The following DLGAP2 variants were observed in gnomAD, a reference collection of about 807,000 sequenced individuals.
The protein encoded by DLGAP2 is disks large-associated protein 2.
In DLGAP2, 26 loss-of-function variants were observed where a neutral mutation model predicts 100.3. The ratio of observed to expected loss-of-function variants is 0.26; its 90% CI spans 0.19 to 0.36. The LOEUF is 0.36. Among genes scored for constraint, DLGAP2 ranks in the 10% least tolerant of loss-of-function variants. DLGAP2 has a pLI of 1.00. For missense variants in DLGAP2, 1,858 were observed against 1,453.2 expected, an observed-to-expected ratio of 1.28 and a Z score of -4.53; for synonymous variants, 886 against 630.1, an observed-to-expected ratio of 1.41 and a Z score of -6.08.
chr8:1,025,253 C>T (rs1048904156), intron 2 of DLGAP2, among the ~76,000 whole-genome samples: 5 of 152,078 alleles, frequency 3.3e-5, no homozygotes, highest in Admixed American at 6.5e-5. Context: ...AACACGGTGC[C>T]GCCCTCTTTC....
intron 3 of DLGAP2, among the ~76,000 whole-genome samples, chr8:1,304,347 G>A (rs967781823): frequency 3.9e-5 from 6 of 152,212 alleles, no homozygotes; most frequent in Admixed American, 2.0e-4. Flanking sequence ...GTCTCACTCC[G>A]GAAGCCTTTG....
intron 3 of DLGAP2, among the ~76,000 whole-genome samples, chr8:1,498,555 A>G (rs567106593): frequency 6.6e-6 from 1 of 152,298 alleles, no homozygotes; most frequent in African/African-American, 2.4e-5. Flanking sequence ...TTGGATGGGA[A>G]TTTGGGCAAG....
intron 3 of DLGAP2, among the ~76,000 whole-genome samples, chr8:1,276,841 C>G (rs76786040): frequency 8.5e-5 from 13 of 152,136 alleles, no homozygotes; most frequent in South Asian, 2.1e-4. Context: ...AAGACGTTAT[C>G]ATTTTCTCAC....
At chr8:1,206,782 A>G (rs1798005045) in intron 2 of DLGAP2, among the ~76,000 whole-genome samples, 1 of 152,146 alleles carries the variant, frequency 6.6e-6, no homozygotes, top group Non-Finnish European at 1.5e-5. Flanking sequence ...CATCGCTGCT[A>G]CCATTCTTTG....
chr8:1,632,527 A>G (rs1167966897), intron 7 of DLGAP2, among the ~76,000 whole-genome samples: 1 of 152,180 alleles, frequency 6.6e-6, no homozygotes, highest in African/African-American at 2.4e-5. Context: ...TAATCTTTTA[A>G]AAGTTCTATC....
chr8:1,302,708 AC>A (rs1800386270), intron 3 of DLGAP2: 1 of 152,232 alleles, frequency 6.6e-6, no homozygotes, highest in African/African-American at 2.4e-5. Flanking sequence ...TTGTGATATG[AC>A]CCCAGTTACG....
intron 2 of DLGAP2, among the ~76,000 whole-genome samples, chr8:940,252 C>T (rs760978097): frequency 5.3e-5 from 8 of 151,996 alleles, no homozygotes; most frequent in Non-Finnish European, 8.8e-5. Context: ...ATAATGGCGA[C>T]ATTCTGAGCT....
rs1186918960 is a variant in DLGAP2 at position 1,317,986 on chromosome 8, C to T, written c.106+59103C>T. ...CGTCTCTCCAACAGTGGTCTACACT[C>T]GAGAAACTCGGCAGCTTTTAAAAAT... is the stretch of plus-strand genomic sequence containing the variant. On this transcript the variant is annotated intron_variant, in intron 3 of 14. Transcript: ENST00000637795. 1.1e-3 allele frequency among the ~76,000 whole-genome samples: 36 copies of T among 33,528 alleles called. 1 individual carries two copies. Among genetic ancestry groups the T allele is most frequent in the Non-Finnish European group, 1.3e-3 (25 of 19,426 alleles). The allele number at this position is 33,528 out of a possible 152,430, so 22.0% of individuals were successfully genotyped here.
At chr8:1,286,670 A>C (rs1374898990) in intron 3 of DLGAP2, among the ~76,000 whole-genome samples, 1 of 152,200 alleles carries the variant, frequency 6.6e-6, no homozygotes, top group Admixed American at 6.5e-5. Flanking sequence ...TCTCACACTC[A>C]GTCCCTATGA....
chr8:1,479,696 C>T (rs905708082), intron 3 of DLGAP2, among the ~76,000 whole-genome samples: 2 of 152,134 alleles, frequency 1.3e-5, no homozygotes, highest in Middle Eastern at 3.4e-3. Context: ...GTTGGCCAAC[C>T]GTAAGATGAA....
chr8:1,578,741 G>A (rs933112820), intron 6 of DLGAP2, among the ~76,000 whole-genome samples: 4 of 152,070 alleles, frequency 2.6e-5, no homozygotes, highest in African/African-American at 9.7e-5. Context: ...CTCTAACATA[G>A]TGCAAGATAA....
intron 2 of DLGAP2, among the ~76,000 whole-genome samples, chr8:1,237,089 A>G (rs1424984823): frequency 4.1e-5 from 5 of 121,396 alleles, no homozygotes; most frequent in African/African-American, 6.8e-5. Context: ...CGCCGTGTCT[A>G]GTTCTCTCAC....
At chr8:1,413,094 A>G (rs991100302) in intron 3 of DLGAP2, among the ~76,000 whole-genome samples, 2 of 152,056 alleles carry the variant, frequency 1.3e-5, no homozygotes, top group Non-Finnish European at 2.9e-5. Context: ...CAGTTCTCCT[A>G]GTGTCCCTCT....
chr8:1,251,348 TGA>T (rs1169097033), intron 2 of DLGAP2, among the ~76,000 whole-genome samples: 2 of 152,200 alleles, frequency 1.3e-5, no homozygotes, highest in African/African-American at 2.4e-5. Flanking sequence ...AAAATAAAAA[TGA>T]GAGAGTGTTT....
chr8:1,254,866 C>A (rs920925037), intron 2 of DLGAP2, among the ~76,000 whole-genome samples: 1 of 81,314 alleles, frequency 1.2e-5, no homozygotes, highest in Non-Finnish European at 2.6e-5. Flanking sequence ...CCCTGGCCCT[C>A]TCATCCTGCC....
At chr8:1,579,043 A>T (rs906455743) in intron 6 of DLGAP2, among the ~76,000 whole-genome samples, 17 of 152,258 alleles carry the variant, frequency 1.1e-4, no homozygotes, top group African/African-American at 3.6e-4. Flanking sequence ...CTTATATATT[A>T]ACATTTGAAA....
At chr8:974,241 A>G (rs965622048) in intron 2 of DLGAP2, among the ~76,000 whole-genome samples, 7 of 152,246 alleles carry the variant, frequency 4.6e-5, no homozygotes, top group Non-Finnish European at 1.0e-4. Context: ...AAAATCAAAG[A>G]TGAAAATGAA....
chr8:999,680 C>T (rs995231006), intron 2 of DLGAP2, among the ~76,000 whole-genome samples: 1 of 152,004 alleles, frequency 6.6e-6, no homozygotes, highest in Admixed American at 6.6e-5. Flanking sequence ...GGGGTTTCAC[C>T]ATGTTTGCCA....
intron 2 of DLGAP2, among the ~76,000 whole-genome samples, chr8:1,176,436 G>C (rs1452761788): frequency 6.6e-6 from 1 of 152,196 alleles, no homozygotes; most frequent in Non-Finnish European, 1.5e-5. Context: ...TTGGGTGTTT[G>C]TTCTGAGTAT....
Sources: allele counts gnomAD v4.1 joint callset (sites outside exome capture counted in the v4.1 genomes callset), GRCh38; gene constraint gnomAD v4.1.1; transcripts MANE v1.5; gene names NCBI Gene and HGNC (gene_info 2026-07-23, HGNC 2026-07-21).